Variants in PTN observed in about 807,000 individuals in gnomAD.
PTN encodes pleiotrophin.
In PTN, 18 loss-of-function variants were observed where a neutral mutation model predicts 24.1. That is an observed-to-expected ratio of 0.75 (90% CI 0.52 to 1.11). The LOEUF is 1.11. Ranked by LOEUF, PTN falls within the 50% of genes least tolerant of loss-of-function variation. The pLI is 0.00. For missense variants in PTN, 163 were observed against 198.8 expected (o/e 0.82, Z 1.08); for synonymous variants, 78 against 68.6 (o/e 1.14, Z -0.67).
intron 1 of PTN, among the ~76,000 whole-genome samples, chr7:137,298,356 A>G (rs924501389): frequency 6.6e-6 from 1 of 152,056 alleles, no homozygotes; most frequent in African/African-American, 2.4e-5. Flanking sequence ...ATTAAATATT[A>G]AACAGAAAAA....
chr7:137,315,207 G>A (rs1810051353), intron 1 of PTN, among the ~76,000 whole-genome samples: 1 of 152,148 alleles, frequency 6.6e-6, no homozygotes, highest in South Asian at 2.1e-4. Context: ...ATGAACACCT[G>A]TACTTGATTG....
At chr7:137,324,451 T>TATATATATATATAA (rs1460014447) in intron 1 of PTN, among the ~76,000 whole-genome samples, 17 of 133,336 alleles carry the variant, frequency 1.3e-4, no homozygotes, top group South Asian at 4.5e-4. Context: ...TATATATATA[T>TATATATATATATAA]AAATTAACCT....
intron 4 of PTN, among the ~76,000 whole-genome samples, chr7:137,243,756 G>A: frequency 6.6e-6 from 1 of 152,182 alleles, no homozygotes; most frequent in Non-Finnish European, 1.5e-5. Flanking sequence ...AAAGGGGGCA[G>A]AAGTGACTGG....
chr7:137,304,331 G>T (rs915413252), intron 1 of PTN, among the ~76,000 whole-genome samples: 3 of 151,810 alleles, frequency 2.0e-5, no homozygotes, highest in Non-Finnish European at 4.4e-5. Context: ...CTCTGACCCT[G>T]GTGCCTCCCA....
intron 1 of PTN, among the ~76,000 whole-genome samples, chr7:137,341,838 G>A (rs320724): frequency 0.96 from 146,308 of 152,238 alleles, 70,574 homozygotes; most frequent in East Asian, 1. Context: ...AGCACAAAAG[G>A]ATGGCATTAG....
chr7:137,342,905 A>G (rs1810558244), intron 1 of PTN, among the ~76,000 whole-genome samples: 1 of 152,106 alleles, frequency 6.6e-6, no homozygotes, highest in African/African-American at 2.4e-5. Flanking sequence ...GTTCCGTGAG[A>G]GACGTTTCAT....
intron 1 of PTN, among the ~76,000 whole-genome samples, chr7:137,332,151 C>G (rs974490972): frequency 1.6e-4 from 24 of 152,180 alleles, no homozygotes; most frequent in African/African-American, 5.8e-4. Flanking sequence ...ATCAGTAACA[C>G]TGTTAAAAAG....
At chr7:137,255,965 T>G (rs1037003288) in intron 1 of PTN, among the ~76,000 whole-genome samples, 2 of 152,194 alleles carry the variant, frequency 1.3e-5, no homozygotes, top group Admixed American at 6.5e-5. Flanking sequence ...GATCATAGGC[T>G]GATAATTTTT....
intron 1 of PTN, among the ~76,000 whole-genome samples, chr7:137,277,904 ATGATAGATAGAT>A (rs1563209547): frequency 0.021 from 40 of 1,866 alleles, 1 homozygote; most frequent in Non-Finnish European, 7.9e-3. Context: ...GATAGATGAG[ATGATAGATAGAT>A]AGATAGATAG....
intron 4 of PTN, among the ~76,000 whole-genome samples, chr7:137,228,315 G>A (rs1808369412): frequency 6.6e-6 from 1 of 151,736 alleles, no homozygotes; most frequent in African/African-American, 2.4e-5. Context: ...TGGGCAGGAG[G>A]AACATAGCCT....
At chr7:137,279,554 G>C (rs572862378) in intron 1 of PTN, among the ~76,000 whole-genome samples, 1 of 152,302 alleles carries the variant, frequency 6.6e-6, no homozygotes, top group Admixed American at 6.5e-5. Context: ...AAAAGATGTA[G>C]ATTTGAGTAA....
At chr7:137,286,797 T>G (rs1262947114) in intron 1 of PTN, among the ~76,000 whole-genome samples, 1 of 152,210 alleles carries the variant, frequency 6.6e-6, no homozygotes, top group Non-Finnish European at 1.5e-5. Context: ...CTAAACTTTC[T>G]TCTTCAAAGC....
intron 4 of PTN, 77 bp from the exon 5 acceptor site, chr7:137,228,152 C>T: frequency 1.1e-6 from 1 of 926,412 alleles, no homozygotes; most frequent in East Asian, 2.4e-5. Context: ...GAAGAAATAG[C>T]CACATTTCTT....
intron 1 of PTN, among the ~76,000 whole-genome samples, chr7:137,267,908 G>A (rs1410161731): frequency 6.6e-6 from 1 of 152,022 alleles, no homozygotes; most frequent in African/African-American, 2.4e-5. Context: ...GGGTGATCAG[G>A]CCATGCTTCC....
At chr7:137,269,782 G>A (rs1433817050) in intron 1 of PTN, among the ~76,000 whole-genome samples, 1 of 151,552 alleles carries the variant, frequency 6.6e-6, no homozygotes, top group Admixed American at 6.6e-5. Context: ...ACAAATGTGC[G>A]CTACCCTGCC....
At chr7:137,241,805 A>G (rs1808633174) in intron 4 of PTN, among the ~76,000 whole-genome samples, 1 of 152,202 alleles carries the variant, frequency 6.6e-6, no homozygotes, top group African/African-American at 2.4e-5. Context: ...CCTCTGATCA[A>G]GAGGAACAGA....
chr7:137,268,289 C>T (rs993219197), intron 1 of PTN, among the ~76,000 whole-genome samples: 3 of 152,084 alleles, frequency 2.0e-5, no homozygotes, highest in Admixed American at 1.3e-4. Context: ...AGGCTAAAGC[C>T]GCTTAAGAAG....
chr7:137,325,384 G>C (rs1810241649), intron 1 of PTN: 1 of 152,168 alleles, frequency 6.6e-6, no homozygotes, highest in Non-Finnish European at 1.5e-5. Flanking sequence ...GCCCTCCCTA[G>C]GAAGAAGGAT....
At chr7:137,326,656 C>T (rs1431095) in intron 1 of PTN, 57,177 of 152,008 alleles carry the variant, frequency 0.38, 11,163 homozygotes, top group South Asian at 0.47. Context: ...CACTTTCTTC[C>T]TTATATTTTT....
Sources: gnomAD v4.1 joint callset for allele counts (sites outside exome capture counted in the v4.1 genomes callset) on GRCh38, gnomAD v4.1.1 for gene constraint, MANE v1.5 for transcripts, NCBI Gene and HGNC (gene_info 2026-07-23, HGNC 2026-07-21) for gene names.